RAB27B: variants seen among roughly 807,000 people sequenced by gnomAD.
RAB27B encodes RAB27B, member RAS oncogene family.
A neutral mutation model predicts 24.6 loss-of-function variants in RAB27B; 15 were observed. The observed-to-expected ratio is 0.61, with a 90% CI of 0.41 to 0.94. The LOEUF (loss-of-function observed/expected upper bound fraction) is 0.94, where lower values mean the gene tolerates loss of function less well. RAB27B is among the 40% of genes least tolerant of loss of function. The probability of loss-of-function intolerance (pLI) is 0.00; values close to 1 mark genes in which losing one functional copy is unlikely to be tolerated. For missense variants in RAB27B, 261 were observed against 266.8 expected (o/e 0.98, Z 0.15); for synonymous variants, 105 against 92.5 (o/e 1.14, Z -0.78).
rs533721366 is a variant in RAB27B at position 54,759,656 on chromosome 18, C to T, written c.-20+41515C>T. Among the ~76,000 whole-genome samples the T allele has an allele frequency of 7.2e-5, 11 of 152,288 alleles. No homozygotes were observed. The East Asian group carries it at 1.4e-3, about 19-fold the overall frequency. On this transcript the variant is annotated intron_variant, in intron 2 of 4. Coordinates refer to the RAB27B transcript ENST00000586570. ...GCATTCCTGTTTTCCCATTCAAATG[C>T]GCTGTTTGGCCCACCCCTCCCCACC...
At chr18:54,794,213 G>T (rs1050354472) in intron 2 of RAB27B, among the ~76,000 whole-genome samples, 4 of 152,078 alleles carry the variant, frequency 2.6e-5, no homozygotes, top group Non-Finnish European at 5.9e-5. Flanking sequence ...TATATACAAA[G>T]TAGCTATTAT....
chr18:54,811,738 C>T (rs1003013162), intron 2 of RAB27B, among the ~76,000 whole-genome samples: 2 of 152,146 alleles, frequency 1.3e-5, no homozygotes, highest in African/African-American at 4.8e-5. Flanking sequence ...TTGAGGCCTT[C>T]AGGAATTTCC....
intron 1 of RAB27B, among the ~76,000 whole-genome samples, chr18:54,845,243 C>T (rs1050956443): frequency 1.3e-5 from 2 of 151,810 alleles, no homozygotes; most frequent in African/African-American, 4.8e-5. Context: ...CCCGTGTCTA[C>T]TAAAAATACA....
chr18:54,796,728 G>A (rs1324020887), intron 2 of RAB27B, among the ~76,000 whole-genome samples: 1 of 152,206 alleles, frequency 6.6e-6, no homozygotes, highest in Admixed American at 6.5e-5. Context: ...GGGCATGGAA[G>A]GCCAGAGTGG....
At position 54,856,244 on chromosome 18, in the gene RAB27B, T is replaced by C. The variant is rs555580153; in HGVS notation, c.-19-21323T>C. 5.3e-5 allele frequency among the ~76,000 whole-genome samples: 8 copies of C among 152,290 alleles called. 1 individual carries two copies. The highest frequency in any genetic ancestry group is 3.9e-4 in the Admixed American group (6 of 15,294). On this transcript the variant is annotated intron_variant, in intron 1 of 5. Transcript: ENST00000262094. Reference sequence around the variant, plus strand: ...ACAATTAGAAGTCAGCTTATGAAAGTCGGGGAGGAGGAAAAATTCAGGTAG... The same window carrying C: ...ACAATTAGAAGTCAGCTTATGAAAGCCGGGGAGGAGGAAAAATTCAGGTAG...
Position 54,842,174 on chromosome 18 carries a change from GAT to G in RAB27B, c.-20+13476_-20+13477del, listed in dbSNP as rs564839171. ...ATCTGTACTTGGCTTATCTCCAAAT[GAT>G]AATTTCAAGTCAGAGAAATTTAGAA... is the stretch of plus-strand genomic sequence containing the variant. On this transcript the variant is annotated intron_variant, in intron 1 of 5. Transcript: ENST00000262094. Among the ~76,000 whole-genome samples, 5 of 152,306 alleles carry G rather than the reference GAT, an allele frequency of 3.3e-5. No individual in the cohort carries two copies. The South Asian group carries it at 1.0e-3, about 32-fold the overall frequency.
intron 2 of RAB27B, among the ~76,000 whole-genome samples, chr18:54,744,497 T>C (rs1231334189): frequency 1.3e-5 from 2 of 152,170 alleles, no homozygotes; most frequent in Non-Finnish European, 2.9e-5. Flanking sequence ...AAGAAAAATA[T>C]TTCAGAAAAC....
At chr18:54,801,435 C>T (rs1290562866) in intron 2 of RAB27B, among the ~76,000 whole-genome samples, 1 of 152,146 alleles carries the variant, frequency 6.6e-6, no homozygotes, top group Non-Finnish European at 1.5e-5. Context: ...GACTCTTTCT[C>T]TCTCTTAAAA....
intron 1 of RAB27B, among the ~76,000 whole-genome samples, chr18:54,872,400 C>A (rs962866168): frequency 6.6e-6 from 1 of 151,756 alleles, no homozygotes; most frequent in African/African-American, 2.4e-5. Context: ...CCGAGGCGGG[C>A]GGATCACCTG....
intron 2 of RAB27B, among the ~76,000 whole-genome samples, chr18:54,738,401 T>C (rs943965332): frequency 1.3e-5 from 2 of 152,148 alleles, no homozygotes; most frequent in Non-Finnish European, 1.5e-5. Flanking sequence ...GTTTCTCCCA[T>C]GCTGTTCTCG....
Position 54,851,652 on chromosome 18 carries a change from C to A in RAB27B, c.-20+22952C>A, listed in dbSNP as rs184649518. ...CCTGGCATCAGTAAATTATTATCCA[C>A]CCTATTCTGCATCTTGTTTGTCTGC... On this transcript the variant is annotated intron_variant, in intron 1 of 5. Transcript: ENST00000262094. 6.5e-4 allele frequency among the ~76,000 whole-genome samples: 99 copies of A among 152,230 alleles called. No individual in the cohort carries two copies. In the South Asian group the frequency reaches 0.015, roughly 22 times the overall value.
intron 2 of RAB27B, among the ~76,000 whole-genome samples, chr18:54,777,196 A>C (rs1301262435): frequency 1.3e-5 from 2 of 152,224 alleles, no homozygotes; most frequent in Non-Finnish European, 2.9e-5. Flanking sequence ...AAATGCATGA[A>C]ATGTTACAGG....
Position 54,879,401 on chromosome 18 carries a change from AG to A in RAB27B, c.189del (p.Ala65HisfsTer33), listed in dbSNP as rs1423229999. 6.2e-7 allele frequency: 1 copy of A among 1,612,774 alleles called. No individual in the cohort carries two copies. The highest frequency in any genetic ancestry group is 8.5e-7 in the Non-Finnish European group (1 of 1,179,002). On this transcript the variant is annotated frameshift_variant, in exon 3 of 6. Coordinates refer to ENST00000262094, the MANE Select transcript of RAB27B (RefSeq NM_004163.4). LOFTEE classifies it high-confidence loss of function. ...YNAQGPNGSS[G>X]KAFKVHLQLW... is the part of the protein sequence containing the mutation. ...ATGCACAAGGACCGAATGGATCTTC[AG>A]GGAAAGCATTTAAAGTGCATCTTCA...
intron 2 of RAB27B, among the ~76,000 whole-genome samples, chr18:54,765,947 T>C (rs556161372): frequency 8.4e-4 from 128 of 152,244 alleles, no homozygotes; most frequent in African/African-American, 3.0e-3. Flanking sequence ...AAATTATGAG[T>C]TAATTAAAGT....
intron 1 of RAB27B, among the ~76,000 whole-genome samples, chr18:54,856,243 G>T (rs764713583): frequency 3.9e-5 from 6 of 152,204 alleles, no homozygotes; most frequent in Non-Finnish European, 7.3e-5. Context: ...GCTTATGAAA[G>T]TCGGGGAGGA....
At chr18:54,878,955 A>G (rs1912813839) in intron 2 of RAB27B, among the ~76,000 whole-genome samples, 3 of 152,196 alleles carry the variant, frequency 2.0e-5, no homozygotes, top group African/African-American at 7.2e-5. Flanking sequence ...TGCTTTTACC[A>G]TCTGTGATTT....
At chr18:54,866,124 G>T (rs1912210619) in intron 1 of RAB27B, among the ~76,000 whole-genome samples, 1 of 152,142 alleles carries the variant, frequency 6.6e-6, no homozygotes, top group African/African-American at 2.4e-5. Context: ...CTATGAGTGT[G>T]TTTTGAGAGC....
intron 2 of RAB27B, among the ~76,000 whole-genome samples, chr18:54,743,644 C>T (rs1015201141): frequency 2.0e-5 from 3 of 152,088 alleles, no homozygotes; most frequent in Non-Finnish European, 1.5e-5. Flanking sequence ...GTGTTTGTCA[C>T]ATTCCAGGAA....
chr18:54,743,507 C>A (rs905144973), intron 2 of RAB27B, among the ~76,000 whole-genome samples: 2 of 152,104 alleles, frequency 1.3e-5, no homozygotes, highest in Non-Finnish European at 2.9e-5. Flanking sequence ...AAAACTCAGT[C>A]CATGTGGAAC....
Sources: allele counts gnomAD v4.1 joint callset (sites outside exome capture counted in the v4.1 genomes callset), GRCh38; gene constraint gnomAD v4.1.1; transcripts MANE v1.5; gene names NCBI Gene and HGNC (gene_info 2026-07-23, HGNC 2026-07-21).